The following DCC variants were observed in gnomAD, a reference collection of about 807,000 sequenced individuals.
DCC encodes the protein DCC netrin 1 receptor, also known as netrin receptor DCC.
Under a neutral mutation model 172.5 loss-of-function variants are expected in DCC, and 58 were observed. The ratio of observed to expected loss-of-function variants is 0.34; its 90% CI spans 0.27 to 0.42. The LOEUF (loss-of-function observed/expected upper bound fraction) is 0.42. Ranked by LOEUF, DCC falls within the 10% of genes least tolerant of loss-of-function variation. The pLI is 1.00. For missense variants in DCC, 1,740 were observed against 1,791.0 expected, an observed-to-expected ratio of 0.97 and a Z score of 0.51; for synonymous variants, 709 against 644.5, an observed-to-expected ratio of 1.10 and a Z score of -1.52.
intron 1 of DCC, among the ~76,000 whole-genome samples, chr18:52,621,267 G>C (rs1185311666): frequency 6.6e-6 from 1 of 152,198 alleles, no homozygotes; most frequent in Non-Finnish European, 1.5e-5. Flanking sequence ...TGTAGAAATA[G>C]ATATTGCCAC....
At chr18:52,707,479 T>C (rs1205704562) in intron 1 of DCC, among the ~76,000 whole-genome samples, 1 of 152,200 alleles carries the variant, frequency 6.6e-6, no homozygotes, top group African/African-American at 2.4e-5. Context: ...AGAACTATCA[T>C]ATGATCCAAC....
chr18:52,808,423 C>A (rs1403015333), intron 2 of DCC, among the ~76,000 whole-genome samples: 2 of 148,950 alleles, frequency 1.3e-5, no homozygotes, highest in East Asian at 2.0e-4. Context: ...TTTCCTACAA[C>A]CTCCCACCCA....
At chr18:52,794,570 ATGT>A (rs201367335) in intron 2 of DCC, among the ~76,000 whole-genome samples, 3,825 of 152,152 alleles carry the variant, frequency 0.025, 67 homozygotes, top group Middle Eastern at 0.078. Flanking sequence ...ACATAAGATA[ATGT>A]TGTCTGCAAA....
intron 1 of DCC, among the ~76,000 whole-genome samples, chr18:52,556,295 A>G (rs1269957834): frequency 1.3e-5 from 2 of 152,166 alleles, no homozygotes; most frequent in Admixed American, 6.6e-5. Context: ...CCATAACTAT[A>G]TTATACATTT....
At chr18:52,781,594 T>TAA (rs2037545018) in intron 2 of DCC, among the ~76,000 whole-genome samples, 1 of 152,078 alleles carries the variant, frequency 6.6e-6, no homozygotes, top group East Asian at 1.9e-4. Flanking sequence ...TATTAATATT[T>TAA]CATAGTCTGC....
chr18:53,170,241 C>G (rs190256270), intron 8 of DCC, among the ~76,000 whole-genome samples: 2 of 152,206 alleles, frequency 1.3e-5, no homozygotes, highest in Non-Finnish European at 1.5e-5. Flanking sequence ...ATAAGACTAT[C>G]AAGCTGTACT....
intron 5 of DCC, among the ~76,000 whole-genome samples, chr18:53,003,592 G>A (rs756313688): frequency 6.6e-6 from 1 of 152,130 alleles, no homozygotes; most frequent in East Asian, 1.9e-4. Flanking sequence ...AGAAAGAAGA[G>A]AGTGGCTGTC....
chr18:53,424,701 A>G (rs1910809287), intron 21 of DCC, among the ~76,000 whole-genome samples: 2 of 152,204 alleles, frequency 1.3e-5, no homozygotes, highest in Non-Finnish European at 2.9e-5. Context: ...TAGGAAGCCA[A>G]GATGCTGGGA....
At chr18:53,032,090 G>GAAGACAATGTC (rs1005591921) in intron 5 of DCC, among the ~76,000 whole-genome samples, 4 of 152,086 alleles carry the variant, frequency 2.6e-5, no homozygotes, top group Non-Finnish European at 5.9e-5. Flanking sequence ...TTTGGGTACA[G>GAAGACAATGTC]AAGACAATGT....
intron 1 of DCC, among the ~76,000 whole-genome samples, chr18:52,541,037 G>T (rs1228871075): frequency 6.6e-6 from 1 of 152,176 alleles, no homozygotes; most frequent in African/African-American, 2.4e-5. Flanking sequence ...TCTTCTCAAA[G>T]TCATGGTCCC....
chr18:53,121,545 G>A (rs2043483623), intron 7 of DCC, among the ~76,000 whole-genome samples: 1 of 151,792 alleles, frequency 6.6e-6, no homozygotes, highest in Admixed American at 6.6e-5. Flanking sequence ...TTGAATTCAT[G>A]ATTCTACAGT....
chr18:53,005,595 G>A (rs974783517), intron 5 of DCC, among the ~76,000 whole-genome samples: 4 of 152,126 alleles, frequency 2.6e-5, no homozygotes, highest in Admixed American at 2.0e-4. Flanking sequence ...GGGCAAAGTG[G>A]TGCGTGCCTA....
chr18:52,539,599 C>G (rs191016188), intron 1 of DCC, among the ~76,000 whole-genome samples: 2 of 152,138 alleles, frequency 1.3e-5, no homozygotes, highest in South Asian at 2.1e-4. Flanking sequence ...TGAAGTGGAA[C>G]GGTTTCATCC....
chr18:52,640,707 A>G (rs2034873675), intron 1 of DCC, among the ~76,000 whole-genome samples: 1 of 152,184 alleles, frequency 6.6e-6, no homozygotes, highest in Non-Finnish European at 1.5e-5. Context: ...GCTGAAATAA[A>G]TCATAGATCA....
intron 1 of DCC, among the ~76,000 whole-genome samples, chr18:52,522,374 C>T (rs1295337076): frequency 6.6e-6 from 1 of 152,172 alleles, no homozygotes; most frequent in East Asian, 1.9e-4. Flanking sequence ...TGTTCTCTTC[C>T]AGGTGTAGTA....
intron 1 of DCC, among the ~76,000 whole-genome samples, chr18:52,455,852 G>C (rs772527458): frequency 6.6e-6 from 1 of 152,106 alleles, no homozygotes; most frequent in Non-Finnish European, 1.5e-5. Context: ...AGGATTAAAC[G>C]TCCCTAAGGA....
intron 2 of DCC, among the ~76,000 whole-genome samples, chr18:52,887,354 G>A (rs896221004): frequency 5.3e-5 from 8 of 151,810 alleles, no homozygotes; most frequent in Admixed American, 2.6e-4. Context: ...GAAATGGAGA[G>A]CCAAACATAT....
intron 2 of DCC, among the ~76,000 whole-genome samples, chr18:52,803,820 G>C (rs941705212): frequency 1.3e-5 from 2 of 152,156 alleles, no homozygotes; most frequent in South Asian, 2.1e-4. Flanking sequence ...GTTTGTAAAA[G>C]AATAGGTAAT....
At chr18:52,963,210 T>C (rs1451038788) in intron 5 of DCC, among the ~76,000 whole-genome samples, 2 of 151,880 alleles carry the variant, frequency 1.3e-5, no homozygotes, top group Admixed American at 6.6e-5. Flanking sequence ...TCAAGGGATA[T>C]AGATTTTTTT....
Sources: allele counts gnomAD v4.1 joint callset (sites outside exome capture counted in the v4.1 genomes callset), GRCh38; gene constraint gnomAD v4.1.1; transcripts MANE v1.5; gene names NCBI Gene and HGNC (gene_info 2026-07-23, HGNC 2026-07-21).